Variants in PGM5 observed in about 807,000 individuals in gnomAD.
PGM5 encodes phosphoglucomutase 5.
PGM5 carries 23 observed loss-of-function variants against 59.2 expected under a neutral mutation model. The ratio of observed to expected loss-of-function variants is 0.39; its 90% CI spans 0.28 to 0.55. The LOEUF (loss-of-function observed/expected upper bound fraction) is 0.55, where lower values mean the gene tolerates loss of function less well. PGM5 is among the 20% of genes least tolerant of loss of function. The pLI, the probability that PGM5 is intolerant of heterozygous loss-of-function variation, is 0.66. For synonymous variants in PGM5, 214 were observed against 286.0 expected (o/e 0.75, Z 2.54); for missense variants, 574 against 748.3 (o/e 0.77, Z 2.72).
intron 8 of PGM5, among the ~76,000 whole-genome samples, chr9:68,480,815 G>T (rs912761374): frequency 2.8e-4 from 42 of 152,300 alleles, no homozygotes; most frequent in Admixed American, 2.6e-3. Context: ...CTTAGGGTTG[G>T]GGGTCTATAT....
chr9:68,449,339 C>T (rs1823660993), intron 6 of PGM5, among the ~76,000 whole-genome samples: 1 of 152,150 alleles, frequency 6.6e-6, no homozygotes, highest in Non-Finnish European at 1.5e-5. Flanking sequence ...ACTCAGCTAG[C>T]CGAAGTGAGG....
At chr9:68,386,792 AC>A (rs1822231526) in intron 3 of PGM5, among the ~76,000 whole-genome samples, 1 of 152,062 alleles carries the variant, frequency 6.6e-6, no homozygotes, top group South Asian at 2.1e-4. Flanking sequence ...TTGGTATGTC[AC>A]ATAAATGAAT....
chr9:68,483,809 G>A (rs1249505282), intron 8 of PGM5, 56 bp from the exon 9 acceptor site: 6 of 1,522,360 alleles, frequency 3.9e-6, no homozygotes, highest in Non-Finnish European at 4.5e-6. Context: ...CTGTAAGTGG[G>A]CCACCCAGTT....
At chr9:68,425,613 A>T (rs1554682652) in intron 6 of PGM5, among the ~76,000 whole-genome samples, 2 of 152,234 alleles carry the variant, frequency 1.3e-5, no homozygotes, top group African/African-American at 4.8e-5. Context: ...TGAGATACCT[A>T]CATTTTAGAA....
At chr9:68,480,942 G>A (rs568012040) in intron 8 of PGM5, among the ~76,000 whole-genome samples, 1 of 152,292 alleles carries the variant, frequency 6.6e-6, no homozygotes, top group East Asian at 1.9e-4. Context: ...GAAGCCATGG[G>A]TTAGGAGGAG....
intron 9 of PGM5, among the ~76,000 whole-genome samples, chr9:68,491,752 A>G (rs1824394645): frequency 6.6e-6 from 1 of 152,216 alleles, no homozygotes; most frequent in Non-Finnish European, 1.5e-5. Flanking sequence ...CTGTAGTCCC[A>G]GCTACTTGGG....
At chr9:68,391,474 C>T in intron 4 of PGM5, 60 bp from the exon 5 acceptor site, 2 of 1,554,918 alleles carry the variant, frequency 1.3e-6, no homozygotes, top group South Asian at 1.1e-5. Context: ...CTATTCAGAA[C>T]AAAATACTCT....
chr9:68,410,594 C>A lies in PGM5; in HGVS notation c.1043+18121C>A, dbSNP rs536229409. 1.1e-4 allele frequency among the ~76,000 whole-genome samples: 17 copies of A among 152,166 alleles called. No homozygotes were observed. The East Asian group carries it at 3.1e-3, about 28-fold the overall frequency. ...AGGAGGAGGAGGAGAGGAGGAATAT[C>A]TACCAGAGAAAATACTCCAGGGTGT... On this transcript the variant is annotated intron_variant, in intron 6 of 10. Coordinates refer to ENST00000396396, the MANE Select transcript of PGM5 (RefSeq NM_021965.4).
intron 6 of PGM5, among the ~76,000 whole-genome samples, chr9:68,464,182 T>A (rs1268925908): frequency 6.6e-6 from 1 of 152,210 alleles, no homozygotes; most frequent in African/African-American, 2.4e-5. Context: ...ACTTGTAAAA[T>A]CTTATATATA....
chr9:68,422,504 A>T (rs1823149926), intron 6 of PGM5, among the ~76,000 whole-genome samples: 1 of 151,504 alleles, frequency 6.6e-6, no homozygotes, highest in South Asian at 2.1e-4. Flanking sequence ...GTTGCCCAGG[A>T]TGGTCTCAAA....
Position 68,386,793 on chromosome 9 carries a change from C to T in PGM5, c.572-670C>T, listed in dbSNP as rs534182415. On this transcript the variant is annotated intron_variant, in intron 3 of 10. Transcript: ENST00000396396. Reference sequence around the variant, plus strand: ...GTATTCTGAGCTTTTTGGTATGTCACATAAATGAATAAAACTTTTTGGATT... The same window carrying T: ...GTATTCTGAGCTTTTTGGTATGTCATATAAATGAATAAAACTTTTTGGATT... Among the ~76,000 whole-genome samples the T allele has an allele frequency of 6.5e-4, 99 of 152,100 alleles. 1 individual carries two copies. The highest frequency in any genetic ancestry group is 2.2e-3 in the African/African-American group (90 of 41,540).
chr9:68,382,259 A>G (rs1458379278), intron 2 of PGM5, among the ~76,000 whole-genome samples: 3 of 151,856 alleles, frequency 2.0e-5, no homozygotes, highest in South Asian at 2.1e-4. Context: ...CACCAAGAGG[A>G]CATAATGGAG....
intron 10 of PGM5, 46 bp from the exon 11 acceptor site, chr9:68,529,521 T>C: frequency 7.3e-7 from 1 of 1,369,760 alleles, no homozygotes; most frequent in Non-Finnish European, 1.0e-6. Context: ...TGCCCCAAAA[T>C]GTAACTGACT....
rs530632380 is a variant in PGM5 at position 68,403,452 on chromosome 9, C to A, written c.1043+10979C>A. On this transcript the variant is annotated intron_variant, in intron 6 of 10. Transcript: ENST00000396396. ...TCATCCCCAAATCATCCTCCTCCCCCAGTCTGTGGAAAAATTGTCTTCCAC... is the reference window on the plus strand; with the variant it reads ...TCATCCCCAAATCATCCTCCTCCCCAAGTCTGTGGAAAAATTGTCTTCCAC... Among the ~76,000 whole-genome samples, 49 of 152,274 alleles carry A rather than the reference C, an allele frequency of 3.2e-4. 1 individual carries two copies. Among genetic ancestry groups the A allele is most frequent in the African/African-American group, 1.1e-3 (46 of 41,564 alleles).
chr9:68,413,607 G>A lies in PGM5; in HGVS notation c.1043+21134G>A, dbSNP rs1822973454. On this transcript the variant is annotated intron_variant, in intron 6 of 10. Coordinates refer to ENST00000396396, the MANE Select transcript of PGM5 (RefSeq NM_021965.4). Reference sequence around the variant, plus strand: ...TATCTGACACTTAAAATATGCCTCTGGAGAACTCAAAGAATTCAAAGCATT... The same window carrying A: ...TATCTGACACTTAAAATATGCCTCTAGAGAACTCAAAGAATTCAAAGCATT... Among the ~76,000 whole-genome samples the A allele has an allele frequency of 3.9e-5, 6 of 152,164 alleles. No individual in the cohort carries two copies. In the South Asian group the frequency reaches 1.2e-3, roughly 32 times the overall value.
intron 6 of PGM5, among the ~76,000 whole-genome samples, chr9:68,442,984 G>C (rs1823552488): frequency 1.3e-5 from 2 of 152,200 alleles, no homozygotes; most frequent in African/African-American, 4.8e-5. Context: ...CTGGAAAGCA[G>C]TTTGTCAATT....
At chr9:68,486,205 C>G (rs1824292956) in intron 9 of PGM5, among the ~76,000 whole-genome samples, 1 of 151,938 alleles carries the variant, frequency 6.6e-6, no homozygotes, top group South Asian at 2.1e-4. Context: ...TTATTGAGAG[C>G]CTACCAAATG....
chr9:68,449,126 G>T (rs1446567357), intron 6 of PGM5, among the ~76,000 whole-genome samples: 1 of 152,210 alleles, frequency 6.6e-6, no homozygotes, highest in African/African-American at 2.4e-5. Context: ...GAGCTCTCTG[G>T]AGTCTCTAAT....
intron 10 of PGM5, among the ~76,000 whole-genome samples, chr9:68,505,800 T>C (rs932216005): frequency 2.6e-5 from 4 of 152,336 alleles, no homozygotes; most frequent in Middle Eastern, 3.4e-3. Flanking sequence ...GATTAAATCA[T>C]TGGCCCTTGG....
Sources: allele counts gnomAD v4.1 joint callset (sites outside exome capture counted in the v4.1 genomes callset), GRCh38; gene constraint gnomAD v4.1.1; transcripts MANE v1.5; gene names NCBI Gene and HGNC (gene_info 2026-07-23, HGNC 2026-07-21).